Variants in OXLD1 observed in about 807,000 individuals in gnomAD.
The protein encoded by OXLD1 is oxidoreductase-like domain-containing protein 1.
Under a neutral mutation model 3.1 loss-of-function variants are expected in OXLD1, and 4 were observed. The ratio of observed to expected loss-of-function variants is 1.28; its 90% CI spans 0.63 to 2.92. OXLD1 has a LOEUF of 2.92. Among genes scored for constraint, OXLD1 ranks in the 30% most tolerant of loss-of-function variants. OXLD1 has a pLI of 0.01. For missense variants in OXLD1, 240 were observed against 204.6 expected (o/e 1.17, Z -1.05); for synonymous variants, 100 against 87.0 (o/e 1.15, Z -0.83).
chr17:81,666,373 C>A (rs2144430539), intron 1 of OXLD1, 145 bp downstream of exon 1: 2 of 946,288 alleles, frequency 2.1e-6, no homozygotes, highest in South Asian at 1.7e-5. Flanking sequence ...AGGGGTCCTT[C>A]GGCGGCGGCC....
Position 81,665,228 on chromosome 17 carries a change from G to A in OXLD1, c.417C>T (p.Ile139=), listed in dbSNP as rs780553027. The change falls in exon 2 of 2, where the codon ATC becomes ATT. Residue 139 remains isoleucine, a synonymous_variant. Coordinates refer to ENST00000374741, the MANE Select transcript of OXLD1 (RefSeq NM_001039842.3). ...ENLKAFLRME[I]RLHTRCGG Reference sequence around the variant, plus strand: ...AGCCTCCGCACCTGGTGTGCAGCCGGATCTCCATCCTGAGGAAGGCCTTGA... The same window carrying A: ...AGCCTCCGCACCTGGTGTGCAGCCGAATCTCCATCCTGAGGAAGGCCTTGA... 6.2e-6 allele frequency: 10 copies of A among 1,612,626 alleles called. No homozygotes were observed. Among genetic ancestry groups the A allele is most frequent in the Non-Finnish European group, 8.5e-6 (10 of 1,179,418 alleles).
rs1284885928 is a variant in OXLD1 at position 81,665,361 on chromosome 17, C to T, written c.284G>A (p.Cys95Tyr). The T allele has an allele frequency of 1.2e-5, 20 of 1,613,524 alleles. No individual in the cohort carries two copies. Among genetic ancestry groups the T allele is most frequent in the Non-Finnish European group, 1.7e-5 (20 of 1,180,040 alleles). ...QPPTNCCMSG[C>Y]PNCVWVEYAD... The stretch of plus-strand genomic sequence containing the variant: ...GTACTCCACCCACACGCAGTTGGGG[C>T]AGCCACTCATGCAGCAGTTTGTGGG... Residue 95 changes from cysteine (C) to tyrosine (Y), a missense_variant, in exon 2 of 2, where the codon TGC (cysteine) becomes TAC (tyrosine). Cys to Tyr is a radical substitution (Grantham distance 194). Coordinates refer to ENST00000374741, the MANE Select transcript of OXLD1 (RefSeq NM_001039842.3).
intron 1 of OXLD1, 27 bp downstream of exon 1, chr17:81,666,491 G>C (rs2036625021): frequency 1.3e-6 from 2 of 1,530,672 alleles, no homozygotes. Context: ...GCCCTTCGGC[G>C]CTGCCAAGAC....
chr17:81,665,467 C>G lies in OXLD1; in HGVS notation c.178G>C (p.Asp60His), dbSNP rs2036587006. The G allele has an allele frequency of 1.2e-6, 2 of 1,613,404 alleles. No individual in the cohort carries two copies. Among genetic ancestry groups the G allele is most frequent in the Non-Finnish European group, 1.7e-6 (2 of 1,180,020 alleles). ...GCTTGGGAGCCCACCTCTACGTGGT[C>G]TGTCCCGAATTTTCTGCGCCCATCA... ...APDGRRKFGTDHVEVGSQAGA... is the reference protein window; with the variant it reads ...APDGRRKFGTHHVEVGSQAGA... The change falls in exon 2 of 2, where the codon GAC (aspartate) becomes CAC (histidine). Residue 60 changes from aspartate (D) to histidine (H), a missense_variant. Asp to His is a moderately conservative substitution (Grantham distance 81, BLOSUM62 -1). Coordinates refer to ENST00000374741, the MANE Select transcript of OXLD1 (RefSeq NM_001039842.3).
In OXLD1 at chr17:81,666,544, C is replaced by CCCGGCCTCCCTCGA; in HGVS notation, c.20_33dup (p.Ala12SerfsTer7). The CCCGGCCTCCCTCGA allele has an allele frequency of 1.3e-6, 2 of 1,519,352 alleles. No individual in the cohort carries two copies. The highest frequency in any genetic ancestry group is 1.2e-5 in the South Asian group (1 of 82,190). The allele number at this position is 1,519,352 out of a possible 1,614,324, so 94.1% of individuals were successfully genotyped here. ...GAGCCACGGACCGCGGCGGCTACCG[C>CCCGGCCTCCCTCGA]CCGGCCTCCCTCGACCACCCTCCGC... On this transcript the variant is annotated frameshift_variant, in exon 1 of 2. Coordinates refer to ENST00000374741, the MANE Select transcript of OXLD1 (RefSeq NM_001039842.3). LOFTEE classifies it low-confidence loss of function (END_TRUNC).
At chr17:81,665,954 C>A in intron 1 of OXLD1, 2 of 380,716 alleles carry the variant, frequency 5.3e-6, no homozygotes, top group Non-Finnish European at 9.4e-6. Flanking sequence ...CAGCCCAGCA[C>A]CTCTACCAGT....
At chr17:81,666,386 C>G in intron 1 of OXLD1, 132 bp downstream of exon 1, 8 of 1,110,378 alleles carry the variant, frequency 7.2e-6, no homozygotes, top group Non-Finnish European at 8.7e-6. Flanking sequence ...CGGCGGCCAG[C>G]GCGCGATCCT....
intron 1 of OXLD1, chr17:81,665,919 A>G: frequency 2.4e-6 from 1 of 415,890 alleles, no homozygotes; most frequent in Non-Finnish European, 4.3e-6. Flanking sequence ...AGTATGCGAG[A>G]GGTGTAACCC....
In OXLD1 at chr17:81,665,574, C is replaced by A; in HGVS notation, c.71G>T (p.Arg24Leu). ...CTGGCAGCAGTCCGGGCTGGAGAAC[C>A]GGCGAGCCCCCTGAGGATGCAGACA... The part of the protein sequence containing the change: ...AAAVRGSGAR[R>L]FSSPDCCQRL... Residue 24 changes from arginine (R) to leucine (L), a missense_variant, in exon 2 of 2, where the codon CGG (arginine) becomes CTG (leucine). By Grantham distance (102) the Arg-to-Leu change is moderately radical. Transcript: ENST00000374741. 2 of 1,587,148 alleles carry A rather than the reference C, an allele frequency of 1.3e-6. No homozygotes were observed. The highest frequency in any genetic ancestry group is 2.2e-5 in the South Asian group (2 of 88,932).
At chr17:81,666,343 G>A (rs1438976948) in intron 1 of OXLD1, 175 bp downstream of exon 1, 1 of 691,412 alleles carries the variant, frequency 1.4e-6, no homozygotes, top group Non-Finnish European at 2.2e-6. Flanking sequence ...CTCGGTAAGA[G>A]CCGATGGAGG....
In OXLD1 at chr17:81,665,421, G is replaced by A. The variant is rs768413754; in HGVS notation, c.224C>T (p.Pro75Leu). The change falls in exon 2 of 2, where the codon CCG becomes CTG. Residue 75 changes from proline to leucine, a missense_variant. Transcript: ENST00000374741. ...GSQAGADGTR[P>L]PKASLPPELQ... ...CTCAGGTGGCAGCGATGCCTTGGGC[G>A]GCCTGGTGCCGTCCGCACCTGCTTG... 10 of 1,613,382 alleles carry A rather than the reference G, an allele frequency of 6.2e-6. No homozygotes were observed. Among genetic ancestry groups the A allele is most frequent in the Admixed American group, 3.3e-5 (2 of 59,990 alleles).
chr17:81,666,342 A>G lies in OXLD1; in HGVS notation c.60+176T>C, dbSNP rs1388380676. ...GATTCCGGGGCGGGGACTCGGTAAG[A>G]GCCGATGGAGGAGAGGAGCGAGGGG... On this transcript the variant is annotated intron_variant, in intron 1 of 1. Coordinates refer to ENST00000374741, the MANE Select transcript of OXLD1 (RefSeq NM_001039842.3). The G allele has an allele frequency of 2.1e-5, 14 of 681,930 alleles. No individual in the cohort carries two copies. The East Asian group carries it at 4.1e-4, about 20-fold the overall frequency. 42.2% of individuals were successfully genotyped at this position (681,930 alleles called of 1,614,324 possible).
At chr17:81,666,466 C>T in intron 1 of OXLD1, 52 bp downstream of exon 1, 1 of 1,518,448 alleles carries the variant, frequency 6.6e-7, no homozygotes, top group Non-Finnish European at 8.8e-7. Flanking sequence ...CCCCGGACAG[C>T]GGCCTCTCGG....
chr17:81,666,544 C>A lies in OXLD1; in HGVS notation c.34G>T (p.Ala12Ser). Residue 12 changes from alanine to serine, a missense_variant, in exon 1 of 2, where the codon GCG (alanine) becomes TCG (serine). Transcript: ENST00000374741. ...GAGCCACGGACCGCGGCGGCTACCG[C>A]CCGGCCTCCCTCGACCACCCTCCGC... ...LLRRVVEGGR[A>S]VAAAVRGSGA... 6.6e-7 allele frequency: 1 copy of A among 1,519,352 alleles called. No homozygotes were observed. The highest frequency in any genetic ancestry group is 8.8e-7 in the Non-Finnish European group (1 of 1,141,942). 94.1% of individuals were successfully genotyped at this position (1,519,352 alleles called of 1,614,324 possible).
At position 81,665,483 on chromosome 17, in the gene OXLD1, G is replaced by C. The variant is rs764547882; in HGVS notation, c.162C>G (p.Arg54=). Residue 54 remains arginine, a synonymous_variant, in exon 2 of 2, where the codon CGC becomes CGG. Coordinates refer to ENST00000374741, the MANE Select transcript of OXLD1 (RefSeq NM_001039842.3). ...CTACGTGGTCTGTCCCGAATTTTCT[G>C]CGCCCATCAGGGGCTTGCGCTCCGG... is the stretch of plus-strand genomic sequence containing the variant. ...HHPGAQAPDG[R]RKFGTDHVEV... is the part of the protein sequence containing the mutation. The C allele has an allele frequency of 1.2e-6, 2 of 1,613,274 alleles. No individual in the cohort carries two copies. Among genetic ancestry groups the C allele is most frequent in the Non-Finnish European group, 1.7e-6 (2 of 1,180,004 alleles).
Position 81,665,449 on chromosome 17 carries a change from A to T in OXLD1, c.196T>A (p.Ser66Thr), listed in dbSNP as rs1397712489. 1 of 1,613,380 alleles carries T rather than the reference A, an allele frequency of 6.2e-7. No homozygotes were observed. The change falls in exon 2 of 2, where the codon TCC becomes ACC. Residue 66 changes from serine to threonine, a missense_variant. Coordinates refer to ENST00000374741, the MANE Select transcript of OXLD1 (RefSeq NM_001039842.3). ...CTGGTGCCGTCCGCACCTGCTTGGG[A>T]GCCCACCTCTACGTGGTCTGTCCCG... ...KFGTDHVEVG[S>T]QAGADGTRPP... is the part of the protein sequence containing the mutation.
rs1293876004 is a variant in OXLD1, at chr17:81,665,151, C to T, written c.*50G>A. ...GAGGGGGTGTGAAGGAAGGAGGCTGCGGCTGCGTCCTGGACTCCGTCCTGC... is the reference window on the plus strand; with the variant it reads ...GAGGGGGTGTGAAGGAAGGAGGCTGTGGCTGCGTCCTGGACTCCGTCCTGC... On this transcript the variant is annotated 3_prime_UTR_variant, in exon 2 of 2. Coordinates refer to ENST00000374741, the MANE Select transcript of OXLD1 (RefSeq NM_001039842.3). The T allele has an allele frequency of 3.3e-6, 5 of 1,534,116 alleles. No homozygotes were observed. Among genetic ancestry groups the T allele is most frequent in the South Asian group, 1.3e-5 (1 of 79,552 alleles).
rs766236877 is a variant in OXLD1 at position 81,666,594 on chromosome 17, C to A, written c.-17G>T. On this transcript the variant is annotated 5_prime_UTR_variant, in exon 1 of 2. Transcript: ENST00000374741. ...CAGCAGCATCGCCCGCGGACGGGAT[C>A]CGGCAACCCCTGACCGTGAGCGGCG... 7.0e-7 allele frequency: 1 copy of A among 1,433,676 alleles called. No homozygotes were observed. 88.8% of individuals were successfully genotyped at this position (1,433,676 alleles called of 1,614,324 possible).
chr17:81,665,946 GC>G (rs2036604351), intron 1 of OXLD1: 1 of 381,466 alleles, frequency 2.6e-6, no homozygotes, highest in Non-Finnish European at 4.7e-6. Context: ...CTCCTGGCCA[GC>G]CCAGCACCTC....
Sources: gnomAD v4.1 joint callset for allele counts on GRCh38, gnomAD v4.1.1 for gene constraint, MANE v1.5 for transcripts, NCBI Gene and HGNC (gene_info 2026-07-23, HGNC 2026-07-21) for gene names.